Variants in GPR89A observed in about 807,000 individuals in gnomAD.
The protein encoded by GPR89A is golgi pH regulator A, also known as G protein-coupled receptor 89A.
A neutral mutation model predicts 52.0 loss-of-function variants in GPR89A; 16 were observed. The ratio of observed to expected loss-of-function variants is 0.31; its 90% CI spans 0.21 to 0.47. The LOEUF is 0.47. Ranked by LOEUF, GPR89A falls within the 20% of genes least tolerant of loss-of-function variation. GPR89A has a pLI of 1.00. For missense variants in GPR89A, 135 were observed against 449.4 expected, an observed-to-expected ratio of 0.30 and a Z score of 6.33; for synonymous variants, 55 against 150.9, an observed-to-expected ratio of 0.36 and a Z score of 4.66.
chr1:145,610,522 T>G (rs1428050257), intron 1 of GPR89A, among the ~76,000 whole-genome samples: 1 of 152,174 alleles, frequency 6.6e-6, no homozygotes, highest in Non-Finnish European at 1.5e-5. Flanking sequence ...TCCCCTTCTT[T>G]AAGCCTTCAG....
intron 12 of GPR89A, among the ~76,000 whole-genome samples, 189 bp downstream of exon 12, chr1:145,665,840 A>G (rs1652517251): frequency 6.8e-6 from 1 of 146,800 alleles, no homozygotes; most frequent in Non-Finnish European, 1.5e-5. Flanking sequence ...TAAAAATACA[A>G]CAAATTAGCT....
intron 1 of GPR89A, among the ~76,000 whole-genome samples, chr1:145,611,134 T>C (rs1257267013): frequency 3.3e-5 from 5 of 152,036 alleles, no homozygotes; most frequent in African/African-American, 1.2e-4. Flanking sequence ...TGTGTTTACT[T>C]GGATGTAAAT....
intron 10 of GPR89A, among the ~76,000 whole-genome samples, chr1:145,657,997 A>G (rs1280252246): frequency 6.6e-6 from 1 of 151,928 alleles, no homozygotes; most frequent in Non-Finnish European, 1.5e-5. Context: ...TTCCATACTC[A>G]TTAGTAGTCA....
intron 3 of GPR89A, among the ~76,000 whole-genome samples, chr1:145,619,374 C>T (rs1255577123): frequency 6.7e-5 from 10 of 149,030 alleles, no homozygotes; most frequent in Non-Finnish European, 1.0e-4. Context: ...CTTTGGGAGG[C>T]TGAGGCAGGA....
intron 10 of GPR89A, among the ~76,000 whole-genome samples, chr1:145,648,691 A>G (rs1294432868): frequency 2.6e-5 from 4 of 151,958 alleles, no homozygotes; most frequent in Non-Finnish European, 5.9e-5. Flanking sequence ...ATGTTGCCCA[A>G]GGTGGTTTTG....
chr1:145,658,076 A>G (rs1277861099), intron 10 of GPR89A, among the ~76,000 whole-genome samples: 6 of 151,380 alleles, frequency 4.0e-5, no homozygotes, highest in African/African-American at 1.4e-4. Context: ...CTGTCTCTGT[A>G]GATTTCCCTA....
At chr1:145,668,849 T>C (rs1409465675) in intron 12 of GPR89A, among the ~76,000 whole-genome samples, 1 of 152,186 alleles carries the variant, frequency 6.6e-6, no homozygotes, top group African/African-American at 2.4e-5. Flanking sequence ...TGTCTTTGGT[T>C]CTGTTTATAT....
chr1:145,614,421 T>C (rs1485049021), intron 1 of GPR89A, among the ~76,000 whole-genome samples: 4 of 152,138 alleles, frequency 2.6e-5, no homozygotes, highest in African/African-American at 9.7e-5. Context: ...GTAGTAACCA[T>C]CCTATTCATC....
chr1:145,652,003 GAT>G (rs1651478442), intron 10 of GPR89A, among the ~76,000 whole-genome samples: 1 of 130,308 alleles, frequency 7.7e-6, no homozygotes, highest in African/African-American at 3.0e-5. Context: ...TCTCTTGCCT[GAT>G]TGCCCTGGCC....
Position 145,665,651 on chromosome 1 carries a change from G to C in GPR89A, c.1095G>C (p.Lys365Asn). ...GAGGATTGCTGATCACTCTTACCAA[G>C]GTATGTTTTATCACAGTGTTAAAAA... is the stretch of plus-strand genomic sequence containing the variant. ...SIRGLLITLT[K>N]FFYAISSSKS... Residue 365 changes from lysine (K) to asparagine (N), a missense_variant and splice_region_variant, in exon 12 of 14, where the codon AAG becomes AAC. Coordinates refer to ENST00000313835, the MANE Select transcript of GPR89A (RefSeq NM_001097612.2). The C allele has an allele frequency of 7.6e-7, 1 of 1,323,478 alleles. No homozygotes were observed. Among genetic ancestry groups the C allele is most frequent in the African/African-American group, 1.5e-5 (1 of 67,536 alleles). 82.0% of individuals were successfully genotyped at this position (1,323,478 alleles called of 1,614,324 possible). A position where few individuals can be genotyped will look rare whatever the true frequency, so the allele number is the denominator to read the frequency against.
chr1:145,611,761 C>T (rs1553686193), intron 1 of GPR89A, among the ~76,000 whole-genome samples: 2 of 151,800 alleles, frequency 1.3e-5, no homozygotes, highest in African/African-American at 4.8e-5. Flanking sequence ...TGTCTTCAGT[C>T]GTGGCTTCAT....
chr1:145,610,556 G>A (rs1648191332), intron 1 of GPR89A, among the ~76,000 whole-genome samples: 2 of 152,050 alleles, frequency 1.3e-5, no homozygotes, highest in Admixed American at 6.6e-5. Context: ...CATCCAAGAA[G>A]CTTCCCCTAG....
chr1:145,630,118 T>G (rs1410664824), intron 5 of GPR89A, among the ~76,000 whole-genome samples: 1 of 149,342 alleles, frequency 6.7e-6, no homozygotes, highest in Non-Finnish European at 1.5e-5. Flanking sequence ...AATTGATAAT[T>G]AGGATACAAT....
chr1:145,616,294 G>A lies in GPR89A; in HGVS notation c.102+1G>A, dbSNP rs782262954. The A allele has an allele frequency of 2.5e-6, 4 of 1,603,338 alleles. No individual in the cohort carries two copies. Among genetic ancestry groups the A allele is most frequent in the South Asian group, 2.2e-5 (2 of 90,030 alleles). ...GCGCCAATTGTTTAAAGACTATGAGGTGAGAAGAAATCATTTTGTCATACT... is the reference window on the plus strand; with the variant it reads ...GCGCCAATTGTTTAAAGACTATGAGATGAGAAGAAATCATTTTGTCATACT... On this transcript the variant is annotated splice_donor_variant, in intron 2 of 13. Coordinates refer to ENST00000313835, the MANE Select transcript of GPR89A (RefSeq NM_001097612.2). LOFTEE classifies it high-confidence loss of function.
intron 10 of GPR89A, among the ~76,000 whole-genome samples, chr1:145,659,739 T>C (rs1489826604): frequency 3.0e-5 from 4 of 131,938 alleles, no homozygotes; most frequent in African/African-American, 1.2e-4. Context: ...TGGCTTAGGA[T>C]TGACTTGGCA....
intron 10 of GPR89A, among the ~76,000 whole-genome samples, chr1:145,658,866 C>T (rs587700560): frequency 3.0e-4 from 45 of 152,180 alleles, no homozygotes; most frequent in Non-Finnish European, 5.9e-4. Flanking sequence ...CGATCTCTGC[C>T]TCCTGGGTTC....
chr1:145,643,345 T>C (rs1650783731), intron 7 of GPR89A, among the ~76,000 whole-genome samples: 1 of 151,170 alleles, frequency 6.6e-6, no homozygotes, highest in Admixed American at 6.6e-5. Context: ...TTTGTATTTT[T>C]AGTAGAGATG....
intron 12 of GPR89A, among the ~76,000 whole-genome samples, chr1:145,668,556 C>A (rs1553696881): frequency 6.6e-6 from 1 of 152,006 alleles, no homozygotes; most frequent in African/African-American, 2.4e-5. Flanking sequence ...GATTGAATAC[C>A]CTTTATTTCT....
chr1:145,628,916 C>A (rs1649704028), intron 5 of GPR89A, among the ~76,000 whole-genome samples: 1 of 151,892 alleles, frequency 6.6e-6, no homozygotes, highest in African/African-American at 2.4e-5. Flanking sequence ...AACAGAATTT[C>A]TCTTAGAAAA....
Sources: gnomAD v4.1 joint callset for allele counts (sites outside exome capture counted in the v4.1 genomes callset) on GRCh38, gnomAD v4.1.1 for gene constraint, MANE v1.5 for transcripts, NCBI Gene and HGNC (gene_info 2026-07-23, HGNC 2026-07-21) for gene names.